The following RABEP2 variants were observed in gnomAD, a reference collection of about 807,000 sequenced individuals.
The protein encoded by RABEP2 is rabaptin, RAB GTPase binding effector protein 2, also known as rab GTPase-binding effector protein 2.
A neutral mutation model predicts 74.1 loss-of-function variants in RABEP2; 57 were observed. That is an observed-to-expected ratio of 0.77 (90% CI 0.62 to 0.96). RABEP2 has a LOEUF of 0.96. Ranked by LOEUF, RABEP2 falls within the 40% of genes least tolerant of loss-of-function variation. RABEP2 has a pLI of 0.00. For synonymous variants in RABEP2, 351 were observed against 344.0 expected (o/e 1.02, Z -0.23); for missense variants, 692 against 756.3 (o/e 0.91, Z 1.00).
At chr16:28,907,958 C>A (rs1323397147) in intron 8 of RABEP2, among the ~76,000 whole-genome samples, 1 of 152,198 alleles carries the variant, frequency 6.6e-6, no homozygotes, top group Admixed American at 6.5e-5. Context: ...CGCCACCACA[C>A]CAGGCTAATT....
At chr16:28,912,839 C>A (rs2017662410) in intron 5 of RABEP2, among the ~76,000 whole-genome samples, 1 of 152,126 alleles carries the variant, frequency 6.6e-6, no homozygotes, top group African/African-American at 2.4e-5. Context: ...TGTGGCCCTG[C>A]CTTTCTTTCT....
intron 3 of RABEP2, among the ~76,000 whole-genome samples, chr16:28,916,607 G>T (rs746113993): frequency 6.6e-6 from 1 of 150,574 alleles, no homozygotes; most frequent in Non-Finnish European, 1.5e-5. Context: ...GGGAGGTGGA[G>T]GTTGCAGTGA....
chr16:28,908,867 G>C (rs1162475001), intron 7 of RABEP2, 103 bp from the exon 8 acceptor site: 2 of 1,234,272 alleles, frequency 1.6e-6, no homozygotes, highest in Non-Finnish European at 2.3e-6. Flanking sequence ...GACAGCAAGA[G>C]AGCCCATACC....
chr16:28,910,677 A>T (rs189905308), intron 7 of RABEP2: 5 of 537,750 alleles, frequency 9.3e-6, no homozygotes, highest in Non-Finnish European at 1.7e-5. Flanking sequence ...CTCAAGATCA[A>T]ACAGCTCTGT....
chr16:28,919,419 G>A (rs1964438440), intron 3 of RABEP2, among the ~76,000 whole-genome samples: 1 of 152,204 alleles, frequency 6.6e-6, no homozygotes, highest in Non-Finnish European at 1.5e-5. Flanking sequence ...CAAAGTGTTG[G>A]GATTATAGGC....
In RABEP2 at chr16:28,914,493, G is replaced by T; in HGVS notation, c.637C>A (p.Leu213Met). ...PSPPLEPLEE[L>M]SGDGGPAAEA... ...GCGGCTGGACCCCCATCTCCGCTCA[G>T]CTCCTCCAGAGGCTCCAGCGGGGGC... is the stretch of plus-strand genomic sequence containing the variant. Residue 213 changes from leucine (L) to methionine (M), a missense_variant, in exon 5 of 13, where the codon CTG (leucine) becomes ATG (methionine). By Grantham distance (15) the Leu-to-Met change is conservative (BLOSUM62 2). Transcript: ENST00000358201. 1 of 1,613,248 alleles carries T rather than the reference G, an allele frequency of 6.2e-7. No individual in the cohort carries two copies. The highest frequency in any genetic ancestry group is 8.5e-7 in the Non-Finnish European group (1 of 1,179,802).
rs1964359140 is a variant in RABEP2 at position 28,914,472 on chromosome 16, C to A, written c.658G>T (p.Ala220Ser). Residue 220 changes from alanine to serine, a missense_variant, in exon 5 of 13, where the codon GCC becomes TCC. Coordinates refer to ENST00000358201, the MANE Select transcript of RABEP2 (RefSeq NM_024816.3). ...LEELSGDGGP[A>S]AEAFAHNCDD... ...CAGTTGTGAGCGAAGGCCTCAGCGGCTGGACCCCCATCTCCGCTCAGCTCC... is the reference window on the plus strand; with the variant it reads ...CAGTTGTGAGCGAAGGCCTCAGCGGATGGACCCCCATCTCCGCTCAGCTCC... The A allele has an allele frequency of 2.5e-6, 4 of 1,613,354 alleles. No individual in the cohort carries two copies. The East Asian group carries it at 8.9e-5, about 36-fold the overall frequency.
At position 28,914,290 on chromosome 16, in the gene RABEP2, G is replaced by A. The variant is rs1360023880; in HGVS notation, c.840C>T (p.Pro280=). 2.5e-6 allele frequency: 4 copies of A among 1,612,394 alleles called. No individual in the cohort carries two copies. The highest frequency in any genetic ancestry group is 3.4e-6 in the Non-Finnish European group (4 of 1,179,922). Residue 280 remains proline, a synonymous_variant, in exon 5 of 13, where the codon CCC becomes CCT. Coordinates refer to ENST00000358201, the MANE Select transcript of RABEP2 (RefSeq NM_024816.3). ...GTLVPEGIYL[P]PPGYQLVPDT... ...CTGGGACGAGCTGGTAGCCAGGAGG[G>A]GGCAGGTAGATGCCCTCGGGAACCA...
rs991238037 is a variant in RABEP2 at position 28,924,546 on chromosome 16, C to T, written c.131G>A (p.Arg44Gln). The T allele has an allele frequency of 6.2e-7, 1 of 1,613,766 alleles. No homozygotes were observed. Among genetic ancestry groups the T allele is most frequent in the Admixed American group, 1.7e-5 (1 of 60,000 alleles). Residue 44 changes from arginine to glutamine, a missense_variant, in exon 2 of 13, where the codon CGG (arginine) becomes CAG (glutamine). By Grantham distance (43) the Arg-to-Gln change is conservative. Coordinates refer to ENST00000358201, the MANE Select transcript of RABEP2 (RefSeq NM_024816.3). ...EAESGELSRLRAELAGALAEM... is the reference protein window; with the variant it reads ...EAESGELSRLQAELAGALAEM... ...TGCCAGGGCGCCTGCCAGCTCAGCCCGAAGCCGGCTGAGCTCACCTGACTC... is the reference window on the plus strand; with the variant it reads ...TGCCAGGGCGCCTGCCAGCTCAGCCTGAAGCCGGCTGAGCTCACCTGACTC...
intron 3 of RABEP2, 88 bp downstream of exon 3, chr16:28,919,698 C>T (rs547396063): frequency 7.7e-6 from 11 of 1,423,676 alleles, no homozygotes; most frequent in South Asian, 5.3e-5. Context: ...CTGGGTGCCC[C>T]GCACCCCATG....
rs575298874 is a variant in RABEP2, at chr16:28,914,124, T to C, written c.894+112A>G. 1.6e-5 allele frequency: 14 copies of C among 895,722 alleles called. No individual in the cohort carries two copies. The South Asian group carries it at 2.5e-4, about 16-fold the overall frequency. 55.5% of individuals were successfully genotyped at this position (895,722 alleles called of 1,614,324 possible). A position where few individuals can be genotyped will look rare whatever the true frequency, so the allele number is the denominator to read the frequency against. ...CCTTCACCAGGAGGGGGGCCTCTCT[T>C]CTCCCTGTGGAAGCTCCGGCTCTAG... On this transcript the variant is annotated intron_variant, in intron 5 of 12. Coordinates refer to ENST00000358201, the MANE Select transcript of RABEP2 (RefSeq NM_024816.3).
At chr16:28,909,886 G>A (rs1006206931) in intron 7 of RABEP2, among the ~76,000 whole-genome samples, 15 of 151,674 alleles carry the variant, frequency 9.9e-5, no homozygotes, top group African/African-American at 2.7e-4. Flanking sequence ...AATATTAACC[G>A]GGCGTGGTGG....
At chr16:28,919,415 G>A (rs1346170668) in intron 3 of RABEP2, among the ~76,000 whole-genome samples, 1 of 152,248 alleles carries the variant, frequency 6.6e-6, no homozygotes, top group African/African-American at 2.4e-5. Context: ...CTCCCAAAGT[G>A]TTGGGATTAT....
Position 28,914,580 on chromosome 16 carries a change from G to A in RABEP2, c.550C>T (p.Pro184Ser). Residue 184 changes from proline (P) to serine (S), a missense_variant, in exon 5 of 13, where the codon CCC becomes TCC. Coordinates refer to ENST00000358201, the MANE Select transcript of RABEP2 (RefSeq NM_024816.3). Reference sequence around the variant, plus strand: ...CCGTGCAGGGAAGGGGCATGCCGGGGACGTCTCTAGGGAAGGGGGCAGGGA... The same window carrying A: ...CCGTGCAGGGAAGGGGCATGCCGGGAACGTCTCTAGGGAAGGGGGCAGGGA... ...EELIQEIQRR[P>S]RHAPSLHGST... The A allele has an allele frequency of 1.2e-6, 2 of 1,608,856 alleles. No homozygotes were observed. The highest frequency in any genetic ancestry group is 1.7e-6 in the Non-Finnish European group (2 of 1,177,156).
In RABEP2 at chr16:28,905,362, GCCAGCCA is replaced by G. The variant is rs1384381284; in HGVS notation, c.1608+28_1608+34del. On this transcript the variant is annotated intron_variant, in intron 12 of 12. Transcript: ENST00000358201. ...CCCAGGAGAGGTCACCCGGAGTGGAGCCAGCCAGCCTGGCGGGGCTGGGACAGGCCAT... is the reference window on the plus strand; with the variant it reads ...CCCAGGAGAGGTCACCCGGAGTGGAGGCCTGGCGGGGCTGGGACAGGCCAT... 3.3e-6 allele frequency: 5 copies of G among 1,514,906 alleles called. No individual in the cohort carries two copies. The East Asian group carries it at 1.1e-4, about 34-fold the overall frequency. The allele number at this position is 1,514,906 out of a possible 1,614,324, so 93.8% of individuals were successfully genotyped here. A position where few individuals can be genotyped will look rare whatever the true frequency, so the allele number is the denominator to read the frequency against.
At chr16:28,919,158 G>A (rs1197498242) in intron 3 of RABEP2, among the ~76,000 whole-genome samples, 1 of 152,170 alleles carries the variant, frequency 6.6e-6, no homozygotes, top group Admixed American at 6.6e-5. Context: ...TAAAGCATCA[G>A]AGGCATCCTT....
Position 28,914,702 on chromosome 16 carries a change from C to T in RABEP2, c.513G>A (p.Leu171=). Reference sequence around the variant, plus strand: ...TCTCCTGAATCAGCTCCTCGGCCCTCAGCAGCTTCGCCTTCAGCTCCTCGA... The same window carrying T: ...TCTCCTGAATCAGCTCCTCGGCCCTTAGCAGCTTCGCCTTCAGCTCCTCGA... ...KEIEELKAKL[L]RAEELIQEIQ... The change falls in exon 4 of 13, where the codon CTG becomes CTA. Residue 171 remains leucine, a synonymous_variant. Coordinates refer to ENST00000358201, the MANE Select transcript of RABEP2 (RefSeq NM_024816.3). 1 of 1,614,200 alleles carries T rather than the reference C, an allele frequency of 6.2e-7. No homozygotes were observed. Among genetic ancestry groups the T allele is most frequent in the South Asian group, 1.1e-5 (1 of 91,084 alleles).
chr16:28,907,811 T>C (rs1303169959), intron 8 of RABEP2, among the ~76,000 whole-genome samples: 1 of 152,054 alleles, frequency 6.6e-6, no homozygotes, highest in South Asian at 2.1e-4. Flanking sequence ...TAATGTTCTT[T>C]TTCTTTTGAG....
chr16:28,920,539 C>A (rs1401937636), intron 2 of RABEP2, among the ~76,000 whole-genome samples: 2 of 151,936 alleles, frequency 1.3e-5, no homozygotes, highest in Admixed American at 6.6e-5. Flanking sequence ...GCGCCCACCA[C>A]CACCCCTGGC....
Sources: gnomAD v4.1 joint callset for allele counts (sites outside exome capture counted in the v4.1 genomes callset) on GRCh38, gnomAD v4.1.1 for gene constraint, MANE v1.5 for transcripts, NCBI Gene and HGNC (gene_info 2026-07-23, HGNC 2026-07-21) for gene names.